The following DNAAF4 variants were observed in gnomAD, a reference collection of about 807,000 sequenced individuals.
DNAAF4 encodes the protein dynein assembly factor 4, axonemal.
DNAAF4 carries 43 observed loss-of-function variants against 51.8 expected under a neutral mutation model. The observed-to-expected ratio is 0.83, with a 90% confidence interval of 0.65 to 1.07. The LOEUF (loss-of-function observed/expected upper bound fraction) is 1.07. Among genes scored for constraint, DNAAF4 ranks in the 50% least tolerant of loss-of-function variants. DNAAF4 has a pLI of 0.00. For missense variants in DNAAF4, 581 were observed against 493.0 expected, an observed-to-expected ratio of 1.18 and a Z score of -1.69; for synonymous variants, 194 against 165.6, an observed-to-expected ratio of 1.17 and a Z score of -1.32.
At chr15:55,493,488 G>C (rs923649887) in intron 3 of DNAAF4, among the ~76,000 whole-genome samples, 4 of 152,070 alleles carry the variant, frequency 2.6e-5, no homozygotes, top group African/African-American at 4.8e-5. Context: ...TTCAGCGGCA[G>C]AAATAACTGG....
intron 6 of DNAAF4, among the ~76,000 whole-genome samples, chr15:55,441,313 G>A (rs1242462609): frequency 6.9e-6 from 1 of 145,838 alleles, no homozygotes; most frequent in East Asian, 2.2e-4. Context: ...CTTGTGATCT[G>A]CCCACCTCGG....
At chr15:55,465,485 G>A (rs115733744) in intron 5 of DNAAF4, among the ~76,000 whole-genome samples, 3,238 of 151,062 alleles carry the variant, frequency 0.021, 126 homozygotes, top group African/African-American at 0.076. Flanking sequence ...TGGCATTCTC[G>A]GCAACCTGGA....
chr15:55,474,392 G>T (rs2058307983), intron 4 of DNAAF4, among the ~76,000 whole-genome samples: 1 of 151,886 alleles, frequency 6.6e-6, no homozygotes, highest in Admixed American at 6.6e-5. Context: ...AAATTAGCCA[G>T]GCGTGGTGGT....
rs1385447280 is a variant in DNAAF4, at chr15:55,443,470, C to A, written c.784-3889G>T. ...CATTGATGGACATTTGGGTTGGTTC[C>A]AAGTCTTTGCTATTGTGAATAGTGC... On this transcript the variant is annotated intron_variant, in intron 6 of 9. Coordinates refer to ENST00000321149, the MANE Select transcript of DNAAF4 (RefSeq NM_130810.4). The A allele has an allele frequency of 2.3e-5, 13 of 560,322 alleles. No homozygotes were observed. The South Asian group carries it at 2.9e-4, about 13-fold the overall frequency. 34.7% of individuals were successfully genotyped at this position (560,322 alleles called of 1,614,324 possible). A position where few individuals can be genotyped will look rare whatever the true frequency, so the allele number is the denominator to read the frequency against.
intron 6 of DNAAF4, among the ~76,000 whole-genome samples, 168 bp downstream of exon 6, chr15:55,450,054 T>A (rs1175831963): frequency 1.3e-5 from 2 of 152,166 alleles, no homozygotes; most frequent in Non-Finnish European, 2.9e-5. Flanking sequence ...GCCAAAAACA[T>A]CTGCAAAATA....
intron 7 of DNAAF4, among the ~76,000 whole-genome samples, chr15:55,425,148 A>C (rs746625733): frequency 6.6e-6 from 1 of 152,250 alleles, no homozygotes; most frequent in Non-Finnish European, 1.5e-5. Context: ...TACAGGCGTG[A>C]GCCATCACGC....
chr15:55,426,366 G>T (rs551803064), downstream of DNAAF4, among the ~76,000 whole-genome samples: 22 of 152,202 alleles, frequency 1.4e-4, no homozygotes, highest in Non-Finnish European at 2.9e-4. Context: ...AGGCAGGAAG[G>T]AAAAGGTTTT....
chr15:55,452,244 TAAAAAAAAAAAAA>T (rs57692277), intron 5 of DNAAF4, among the ~76,000 whole-genome samples: 2 of 53,598 alleles, frequency 3.7e-5, no homozygotes, highest in Non-Finnish European at 6.1e-5. Context: ...CATGTCTCAC[TAAAAAAAAAAAAA>T]AAAAAAAAAA....
chr15:55,477,795 C>A (rs1266516298), intron 4 of DNAAF4, among the ~76,000 whole-genome samples: 1 of 151,486 alleles, frequency 6.6e-6, no homozygotes, highest in South Asian at 2.1e-4. Flanking sequence ...CTGGGTGTGG[C>A]AGCTCACACC....
At chr15:55,431,395 C>T (rs539986514) in intron 9 of DNAAF4, among the ~76,000 whole-genome samples, 1 of 150,582 alleles carries the variant, frequency 6.6e-6, no homozygotes, top group East Asian at 2.0e-4. Flanking sequence ...CACACAAATA[C>T]ATACATACAT....
At chr15:55,441,026 T>C (rs543826151) in intron 6 of DNAAF4, among the ~76,000 whole-genome samples, 1 of 151,868 alleles carries the variant, frequency 6.6e-6, no homozygotes, top group South Asian at 2.1e-4. Flanking sequence ...ATACAATAGA[T>C]AAAATTTCTA....
chr15:55,433,919 T>TA (rs1555413833), intron 8 of DNAAF4, among the ~76,000 whole-genome samples: 278 of 6,564 alleles, frequency 0.042, 8 homozygotes, highest in African/African-American at 0.12. Context: ...TATAATTATA[T>TA]ATATTATATT....
chr15:55,460,767 ATTTT>A (rs543643696), intron 5 of DNAAF4, among the ~76,000 whole-genome samples: 1 of 145,684 alleles, frequency 6.9e-6, no homozygotes, highest in Non-Finnish European at 1.5e-5. Flanking sequence ...AGTCTCAATA[ATTTT>A]TTTTTTTTTT....
chr15:55,433,347 A>C (rs2057526680), intron 8 of DNAAF4, among the ~76,000 whole-genome samples: 1 of 152,210 alleles, frequency 6.6e-6, no homozygotes, highest in Non-Finnish European at 1.5e-5. Context: ...GTGGTGGCTC[A>C]TGCCTGTAAT....
At chr15:55,463,702 C>A (rs907910531) in intron 5 of DNAAF4, among the ~76,000 whole-genome samples, 4 of 151,852 alleles carry the variant, frequency 2.6e-5, no homozygotes, top group Non-Finnish European at 5.9e-5. Context: ...TGCAAAAAAA[C>A]CCAAAAAACA....
At chr15:55,481,972 C>T (rs923587893) in intron 4 of DNAAF4, among the ~76,000 whole-genome samples, 1 of 152,158 alleles carries the variant, frequency 6.6e-6, no homozygotes, top group Admixed American at 6.5e-5. Context: ...CTAAACGGTA[C>T]CCAGGAATGC....
At chr15:55,494,318 C>A (rs1363863279) in intron 3 of DNAAF4, among the ~76,000 whole-genome samples, 1 of 151,706 alleles carries the variant, frequency 6.6e-6, no homozygotes, top group South Asian at 2.1e-4. Context: ...CGTGAGCCAG[C>A]GCGCCCGGCA....
chr15:55,452,104 C>G (rs1436626720), intron 5 of DNAAF4, among the ~76,000 whole-genome samples: 4 of 151,122 alleles, frequency 2.6e-5, no homozygotes, highest in Non-Finnish European at 5.9e-5. Context: ...AAAAATTAGT[C>G]AGGGGTGGTG....
In DNAAF4 at chr15:55,498,418, C is replaced by G; in HGVS notation, c.-89G>C. The G allele has an allele frequency of 6.6e-7, 1 of 1,523,292 alleles. No homozygotes were observed. The highest frequency in any genetic ancestry group is 2.2e-5 in the Admixed American group (1 of 46,344). 94.4% of individuals were successfully genotyped at this position (1,523,292 alleles called of 1,614,324 possible). A position where few individuals can be genotyped will look rare whatever the true frequency, so the allele number is the denominator to read the frequency against. On this transcript the variant is annotated 5_prime_UTR_variant, in exon 2 of 10. Transcript: ENST00000321149. The stretch of plus-strand genomic sequence containing the variant: ...AAGCTGGGGTTACCATGCGCCAGCC[C>G]TTCCGGGTCAGGCCGGCCGGGAGCC...
Sources: allele counts gnomAD v4.1 joint callset (sites outside exome capture counted in the v4.1 genomes callset), GRCh38; gene constraint gnomAD v4.1.1; transcripts MANE v1.5; gene names NCBI Gene and HGNC (gene_info 2026-07-23, HGNC 2026-07-21).